Variants in GNG4 observed in about 807,000 individuals in gnomAD.
GNG4 encodes G protein subunit gamma 4, also known as guanine nucleotide-binding protein G(I)/G(S)/G(O) subunit gamma-4.
A neutral mutation model predicts 5.8 loss-of-function variants in GNG4; 4 were observed. The ratio of observed to expected loss-of-function variants is 0.69; its 90% CI spans 0.34 to 1.57. The LOEUF is 1.57. GNG4 is among the 40% of genes most tolerant of loss of function. GNG4 has a pLI of 0.06. For synonymous variants in GNG4, 29 were observed against 32.9 expected (o/e 0.88, Z 0.41); for missense variants, 96 against 95.1 (o/e 1.01, Z -0.04).
chr1:235,638,368 A>T (rs535670711), intron 1 of GNG4, among the ~76,000 whole-genome samples: 151 of 152,284 alleles, frequency 9.9e-4, no homozygotes, highest in Non-Finnish European at 1.7e-3. Flanking sequence ...GTCTCGATGG[A>T]CTAAAATCAA....
At chr1:235,634,440 T>G (rs1688989774) in intron 1 of GNG4, among the ~76,000 whole-genome samples, 1 of 152,192 alleles carries the variant, frequency 6.6e-6, no homozygotes, top group Admixed American at 6.5e-5. Flanking sequence ...AATGTCAAGG[T>G]GGCTGTGAAC....
In GNG4 at chr1:235,640,797, G is replaced by T. The variant is rs142959352; in HGVS notation, c.-123+8865C>A. On this transcript the variant is annotated intron_variant, in intron 1 of 3. Coordinates refer to ENST00000391854, the MANE Select transcript of GNG4 (RefSeq NM_001098722.2). ...GAGTCAAATTGCCCGGTGGGCCAGA[G>T]CTCTCCCTCCCTTTTGTTGCCGCTT... 2.4e-4 allele frequency among the ~76,000 whole-genome samples: 36 copies of T among 152,356 alleles called. No homozygotes were observed. In the East Asian group the frequency reaches 7.0e-3, roughly 29 times the overall value.
At chr1:235,621,682 CT>C (rs34702099) in intron 1 of GNG4, among the ~76,000 whole-genome samples, 52 of 144,486 alleles carry the variant, frequency 3.6e-4, no homozygotes, top group East Asian at 6.1e-4. Context: ...GTATTTTACC[CT>C]TTTTTTTTTT....
intron 3 of GNG4, among the ~76,000 whole-genome samples, chr1:235,579,862 A>AAAAAAAAAAAAAAAAAAAAAAAAAAT (rs57019025): frequency 9.2e-6 from 1 of 108,580 alleles, no homozygotes; most frequent in Non-Finnish European, 1.8e-5. Context: ...CAAAAAAAAA[A>AAAAAAAAAAAAAAAAAAAAAAAAAAT]AGGTAAAAAG....
At chr1:235,650,263 G>GA (rs1657644507), upstream of GNG4, among the ~76,000 whole-genome samples, 1 of 102,930 alleles carries the variant, frequency 9.7e-6, no homozygotes, top group South Asian at 3.0e-4. Flanking sequence ...AAATCACTGG[G>GA]GGGGGGTCTG....
chr1:235,553,542 T>C (rs1342738590), intron 3 of GNG4, among the ~76,000 whole-genome samples: 1 of 152,202 alleles, frequency 6.6e-6, no homozygotes, highest in African/African-American at 2.4e-5. Context: ...CTTCTGGGTT[T>C]TAAAAATTGG....
rs541454883 is a variant in GNG4 at position 235,593,851 on chromosome 1, G to A, written c.-11+1549C>T. Among the ~76,000 whole-genome samples, 665 of 152,268 alleles carry A rather than the reference G, an allele frequency of 4.4e-3. 4 individuals are homozygous for A. Among genetic ancestry groups the A allele is most frequent in the Middle Eastern group, 0.014 (4 of 294 alleles). ...GAGTGTTACAGCTCATAAAGGCAGT[G>A]GGGGCCCAGAGTGAGCAGCAGCAGA... On this transcript the variant is annotated intron_variant, in intron 2 of 3. Transcript: ENST00000391854.
intron 2 of GNG4, among the ~76,000 whole-genome samples, chr1:235,589,257 G>A (rs1412567173): frequency 1.3e-5 from 2 of 152,202 alleles, no homozygotes; most frequent in African/African-American, 4.8e-5. Flanking sequence ...AAGAGCCAAA[G>A]CTGTCCATTT....
chr1:235,576,687 AAG>A (rs1357897267), intron 3 of GNG4, among the ~76,000 whole-genome samples: 2 of 152,178 alleles, frequency 1.3e-5, no homozygotes, highest in Non-Finnish European at 2.9e-5. Flanking sequence ...AGGCAAGATG[AAG>A]AGTCACATGG....
intron 3 of GNG4, among the ~76,000 whole-genome samples, chr1:235,563,367 C>T (rs534153023): frequency 8.6e-5 from 11 of 128,192 alleles, no homozygotes; most frequent in East Asian, 2.5e-4. Flanking sequence ...GATCGCCCCA[C>T]GGCATTCCAG....
intron 2 of GNG4, among the ~76,000 whole-genome samples, chr1:235,587,580 GC>G (rs1226573419): frequency 2.4e-3 from 126 of 51,620 alleles, no homozygotes; most frequent in Middle Eastern, 9.6e-3. Context: ...GTGTGGGGTG[GC>G]GGTGAGTGTG....
intron 3 of GNG4, among the ~76,000 whole-genome samples, chr1:235,577,601 C>A (rs895850192): frequency 6.6e-6 from 1 of 152,118 alleles, no homozygotes; most frequent in African/African-American, 2.4e-5. Flanking sequence ...CCACCACGCC[C>A]GGCTAAGTTT....
At chr1:235,574,876 A>G (rs1416330433) in intron 3 of GNG4, among the ~76,000 whole-genome samples, 1 of 151,946 alleles carries the variant, frequency 6.6e-6, no homozygotes, top group Non-Finnish European at 1.5e-5. Flanking sequence ...CCAGGTTGGA[A>G]TGCAGTGGCG....
chr1:235,614,502 C>T (rs1369363036), intron 1 of GNG4, among the ~76,000 whole-genome samples: 1 of 152,162 alleles, frequency 6.6e-6, no homozygotes, highest in African/African-American at 2.4e-5. Flanking sequence ...GAGAGACCTT[C>T]CTTTTTTTCT....
chr1:235,627,696 C>G (rs1242877983), intron 1 of GNG4, among the ~76,000 whole-genome samples: 1 of 152,156 alleles, frequency 6.6e-6, no homozygotes, highest in Non-Finnish European at 1.5e-5. Context: ...ACAATGGCCT[C>G]TCCCCAGGAC....
chr1:235,602,751 G>C (rs1200104616), intron 1 of GNG4, among the ~76,000 whole-genome samples: 2 of 152,192 alleles, frequency 1.3e-5, no homozygotes, highest in Non-Finnish European at 2.9e-5. Context: ...AATTCTGTTA[G>C]ATGCTAGGCC....
intron 2 of GNG4, among the ~76,000 whole-genome samples, chr1:235,592,228 G>A (rs941092983): frequency 1.3e-5 from 2 of 152,234 alleles, no homozygotes; most frequent in African/African-American, 2.4e-5. Flanking sequence ...TTCCTGGGCC[G>A]GGTACAGTGA....
At chr1:235,567,746 A>G (rs1479150511) in intron 3 of GNG4, among the ~76,000 whole-genome samples, 1 of 152,176 alleles carries the variant, frequency 6.6e-6, no homozygotes, top group African/African-American at 2.4e-5. Context: ...TGCCTTGGCT[A>G]TTGTGAATAA....
At chr1:235,637,217 T>C (rs979391703) in intron 1 of GNG4, among the ~76,000 whole-genome samples, 2 of 152,156 alleles carry the variant, frequency 1.3e-5, no homozygotes, top group African/African-American at 4.8e-5. Context: ...GAATATAAAT[T>C]GAGCAGACAT....
Sources: allele counts gnomAD v4.1 joint callset (sites outside exome capture counted in the v4.1 genomes callset), GRCh38; gene constraint gnomAD v4.1.1; transcripts MANE v1.5; gene names NCBI Gene and HGNC (gene_info 2026-07-23, HGNC 2026-07-21).